LRRK2: variants seen among roughly 807,000 people sequenced by gnomAD.
LRRK2 encodes leucine-rich repeat serine/threonine-protein kinase 2.
A neutral mutation model predicts 302.6 loss-of-function variants in LRRK2; 203 were observed. The ratio of observed to expected loss-of-function variants is 0.67; its 90% CI spans 0.60 to 0.75. LRRK2 has a LOEUF of 0.75. LRRK2 is among the 30% of genes least tolerant of loss of function. LRRK2 has a pLI of 0.00. For synonymous variants in LRRK2, 1,066 were observed against 1,031.9 expected, an observed-to-expected ratio of 1.03 and a Z score of -0.63; for missense variants, 2,830 against 2,951.0, an observed-to-expected ratio of 0.96 and a Z score of 0.95.
chr12:40,359,358 A>C lies in LRRK2; in HGVS notation c.6942A>C (p.Val2314=). Residue 2314 remains valine, a synonymous_variant, in exon 47 of 51, where the codon GTA becomes GTC. Coordinates refer to ENST00000298910, the MANE Select transcript of LRRK2 (RefSeq NM_198578.4). ...SESTNSTERN[V]MWGGCGTKIF... ...CCACAAATTCAACGGAAAGAAATGT[A>C]ATGTGGGGAGGATGTGGCACAAAGA... 6.2e-7 allele frequency: 1 copy of C among 1,613,382 alleles called. No homozygotes were observed. The highest frequency in any genetic ancestry group is 8.5e-7 in the Non-Finnish European group (1 of 1,179,584).
In LRRK2 at chr12:40,302,789, C is replaced by A; in HGVS notation, c.3497C>A (p.Ala1166Asp). ...ESFSARMNFL[A>D]AMPFLPPSMT... ...GTTTATCTCATTTTTTTTCTTTTAGCTGCTATGCCTTTCTTGCCTCCTTCT... is the reference window on the plus strand; with the variant it reads ...GTTTATCTCATTTTTTTTCTTTTAGATGCTATGCCTTTCTTGCCTCCTTCT... Residue 1166 changes from alanine to aspartate, a missense_variant and splice_region_variant, in exon 26 of 51, where the codon GCT (alanine) becomes GAT (aspartate). Ala to Asp is a moderately radical substitution (Grantham distance 126). Coordinates refer to ENST00000298910, the MANE Select transcript of LRRK2 (RefSeq NM_198578.4). 6.3e-7 allele frequency: 1 copy of A among 1,599,344 alleles called. No individual in the cohort carries two copies. Among genetic ancestry groups the A allele is most frequent in the Non-Finnish European group, 8.6e-7 (1 of 1,167,510 alleles).
At chr12:40,230,150 T>C (rs1941110669) in intron 2 of LRRK2, among the ~76,000 whole-genome samples, 1 of 152,064 alleles carries the variant, frequency 6.6e-6, no homozygotes, top group Non-Finnish European at 1.5e-5. Flanking sequence ...TAGGTAGAAA[T>C]AGCTATCAGA....
chr12:40,228,794 T>C (rs1422829393), intron 2 of LRRK2, among the ~76,000 whole-genome samples: 5 of 152,178 alleles, frequency 3.3e-5, no homozygotes, highest in African/African-American at 7.2e-5. Context: ...AAGCTGTGGA[T>C]CTAGTTTCCT....
Position 40,294,752 on chromosome 12 carries a change from TAACCC to T in LRRK2, c.2809-92_2809-88del. ...TTTTTCCCATAATTATAAATACCAT[TAACCC>T]TATTAAAATTTCATGGTTCCTTCCT... On this transcript the variant is annotated intron_variant, in intron 21 of 50. Transcript: ENST00000298910. 7.0e-6 allele frequency: 5 copies of T among 711,340 alleles called. 1 individual carries two copies. The South Asian group carries it at 8.3e-5, about 12-fold the overall frequency. 44.1% of individuals were successfully genotyped at this position (711,340 alleles called of 1,614,324 possible).
chr12:40,259,207 G>C (rs1397047832), intron 12 of LRRK2, among the ~76,000 whole-genome samples: 1 of 151,974 alleles, frequency 6.6e-6, no homozygotes, highest in Non-Finnish European at 1.5e-5. Context: ...CTACCTGCTG[G>C]GATTGTTGTT....
intron 20 of LRRK2, among the ~76,000 whole-genome samples, chr12:40,288,621 G>A (rs17519888): frequency 0.012 from 1,788 of 151,892 alleles, 43 homozygotes; most frequent in African/African-American, 0.041. Flanking sequence ...GTATTTTCAA[G>A]TTACTTTTAG....
At position 40,264,027 on chromosome 12, in the gene LRRK2, G is replaced by GT. The variant is rs1942894901; in HGVS notation, c.1656+128dup. On this transcript the variant is annotated intron_variant, in intron 14 of 50. Transcript: ENST00000298910. The stretch of plus-strand genomic sequence containing the variant: ...TGCTATGATAGGAGGAAGTCATGTG[G>GT]TTAGAGACATAAGATGACAGTGGGG... 1.0e-5 allele frequency: 7 copies of GT among 686,016 alleles called. No individual in the cohort carries two copies. The East Asian group carries it at 1.9e-4, about 19-fold the overall frequency. 42.5% of individuals were successfully genotyped at this position (686,016 alleles called of 1,614,324 possible). A position where few individuals can be genotyped will look rare whatever the true frequency, so the allele number is the denominator to read the frequency against.
intron 34 of LRRK2, 22 bp downstream of exon 34, chr12:40,320,197 T>A: frequency 1.3e-6 from 2 of 1,582,816 alleles, no homozygotes; most frequent in Middle Eastern, 1.8e-4. Context: ...CTTAAAAAAT[T>A]AATTGCTACA....
chr12:40,257,235 TA>T lies in LRRK2; in HGVS notation c.1289-7del. The T allele has an allele frequency of 2.6e-6, 4 of 1,518,116 alleles. No individual in the cohort carries two copies. Among genetic ancestry groups the T allele is most frequent in the Non-Finnish European group, 2.7e-6 (3 of 1,093,992 alleles). 94.0% of individuals were successfully genotyped at this position (1,518,116 alleles called of 1,614,324 possible). ...GCTTTCATATCTATAAGTAACATTT[TA>T]AAAAATCTCAGTTAATTTCAGAAAA... On this transcript the variant is annotated splice_polypyrimidine_tract_variant and intron_variant, in intron 11 of 50. Transcript: ENST00000298910.
intron 31 of LRRK2, among the ~76,000 whole-genome samples, chr12:40,311,747 A>G (rs1298721142): frequency 6.6e-6 from 1 of 152,166 alleles, no homozygotes; most frequent in Non-Finnish European, 1.5e-5. Context: ...TGCGGTGCCC[A>G]GGGAGAGAAT....
At chr12:40,324,695 C>T (rs1945495476) in intron 38 of LRRK2, among the ~76,000 whole-genome samples, 1 of 152,094 alleles carries the variant, frequency 6.6e-6, no homozygotes, top group Admixed American at 6.6e-5. Context: ...CCTTTATACC[C>T]CTCTTATTGG....
At chr12:40,272,953 C>G (rs1313334709) in intron 14 of LRRK2, among the ~76,000 whole-genome samples, 1 of 152,112 alleles carries the variant, frequency 6.6e-6, no homozygotes, top group Non-Finnish European at 1.5e-5. Flanking sequence ...GAAAGTCTCT[C>G]GTTAACTCTT....
chr12:40,271,355 G>T (rs1230415211), intron 14 of LRRK2, among the ~76,000 whole-genome samples: 1 of 152,090 alleles, frequency 6.6e-6, no homozygotes, highest in East Asian at 1.9e-4. Flanking sequence ...CCTTTCTTTG[G>T]CTAATCTACT....
intron 25 of LRRK2, among the ~76,000 whole-genome samples, chr12:40,301,663 T>C (rs1363038843): frequency 6.6e-6 from 1 of 152,170 alleles, no homozygotes; most frequent in Non-Finnish European, 1.5e-5. Flanking sequence ...AGATAAAGAA[T>C]AACCCATATT....
Position 40,359,286 on chromosome 12 carries a change from AC to A in LRRK2, c.6871del (p.Leu2291Ter). On this transcript the variant is annotated frameshift_variant, in exon 47 of 51. Coordinates refer to ENST00000298910, the MANE Select transcript of LRRK2 (RefSeq NM_198578.4). LOFTEE classifies it high-confidence loss of function. Reference sequence around the variant, plus strand: ...TTAAAGGAGCTGCTCCTTTGAAGATACTAAATATAGGAAATGTCAGTACTCC... The same window carrying A: ...TTAAAGGAGCTGCTCCTTTGAAGATATAAATATAGGAAATGTCAGTACTCC... ...KLKGAAPLKI[L>X]NIGNVSTPLM... 1 of 1,612,308 alleles carries A rather than the reference AC, an allele frequency of 6.2e-7. No homozygotes were observed. The highest frequency in any genetic ancestry group is 8.5e-7 in the Non-Finnish European group (1 of 1,179,342).
chr12:40,357,515 C>G (rs1471087885), intron 46 of LRRK2, among the ~76,000 whole-genome samples: 1 of 152,128 alleles, frequency 6.6e-6, no homozygotes, highest in African/African-American at 2.4e-5. Context: ...TGAGAAATCA[C>G]CATTTTGTTT....
chr12:40,291,850 T>A (rs932600501), intron 20 of LRRK2, among the ~76,000 whole-genome samples: 5 of 152,094 alleles, frequency 3.3e-5, no homozygotes, highest in Non-Finnish European at 7.4e-5. Flanking sequence ...GTTTTATCTG[T>A]TTATGCTTTG....
At chr12:40,257,834 A>G (rs527650806) in intron 12 of LRRK2, among the ~76,000 whole-genome samples, 16 of 152,238 alleles carry the variant, frequency 1.1e-4, no homozygotes, top group Admixed American at 8.5e-4. Flanking sequence ...CATCTAGTCC[A>G]AGTGCAGAGA....
chr12:40,307,629 G>C (rs1944870014), intron 28 of LRRK2, among the ~76,000 whole-genome samples: 1 of 151,680 alleles, frequency 6.6e-6, no homozygotes, highest in African/African-American at 2.4e-5. Context: ...TACCATATAT[G>C]AATATATACA....
Sources: gnomAD v4.1 joint callset for allele counts (sites outside exome capture counted in the v4.1 genomes callset) on GRCh38, gnomAD v4.1.1 for gene constraint, MANE v1.5 for transcripts, NCBI Gene and HGNC (gene_info 2026-07-23, HGNC 2026-07-21) for gene names.